SHANK2: variants seen among roughly 807,000 people sequenced by gnomAD.
SHANK2 encodes SH3 and multiple ankyrin repeat domains protein 2.
In SHANK2, 43 loss-of-function variants were observed where a neutral mutation model predicts 133.7. The ratio of observed to expected loss-of-function variants is 0.32; its 90% CI spans 0.25 to 0.41. The LOEUF is 0.41. Ranked by LOEUF, SHANK2 falls within the 10% of genes least tolerant of loss-of-function variation. SHANK2 has a pLI of 1.00. For synonymous variants in SHANK2, 1,017 were observed against 952.8 expected, an observed-to-expected ratio of 1.07 and a Z score of -1.24; for missense variants, 1,994 against 2,235.8, an observed-to-expected ratio of 0.89 and a Z score of 2.18.
intron 10 of SHANK2, among the ~76,000 whole-genome samples, chr11:70,905,009 C>T (rs1349197652): frequency 8.5e-5 from 13 of 152,098 alleles, no homozygotes; most frequent in African/African-American, 3.1e-4. Context: ...TGGACTAATA[C>T]AGTGGGGAAA....
chr11:70,581,925 C>T (rs1460949606), intron 17 of SHANK2, among the ~76,000 whole-genome samples: 1 of 152,234 alleles, frequency 6.6e-6, no homozygotes, highest in Non-Finnish European at 1.5e-5. Flanking sequence ...TCCTGATCTC[C>T]TCTCTTGGGC....
intron 17 of SHANK2, among the ~76,000 whole-genome samples, chr11:70,578,622 C>T (rs1456288704): frequency 6.6e-6 from 1 of 152,128 alleles, no homozygotes; most frequent in Non-Finnish European, 1.5e-5. Context: ...CCCTGGGCCA[C>T]GTCTCACAGG....
At chr11:70,947,626 A>G (rs142246108) in intron 10 of SHANK2, among the ~76,000 whole-genome samples, 1,541 of 152,242 alleles carry the variant, frequency 0.01, 13 homozygotes, top group Non-Finnish European at 0.015. Flanking sequence ...TTGGCCTCCC[A>G]AAGTGCTGGG....
In SHANK2 at chr11:70,670,416, C is replaced by A. The variant is rs947754691; in HGVS notation, c.1854-8738G>T. ...GTTGAGGTGAGGACCCAACAGGTGT[C>A]CCAGCTCAGCGGAGATGCCAGCTCG... is the stretch of plus-strand genomic sequence containing the variant. On this transcript the variant is annotated intron_variant, in intron 15 of 25. Transcript: ENST00000601538. Among the ~76,000 whole-genome samples, 18 of 152,316 alleles carry A rather than the reference C, an allele frequency of 1.2e-4. No homozygotes were observed. The Middle Eastern group carries it at 0.01, about 87-fold the overall frequency.
In SHANK2 at chr11:70,615,215, A is replaced by G. The variant is rs139759756; in HGVS notation, c.2061+44613T>C. 4.2e-3 allele frequency among the ~76,000 whole-genome samples: 639 copies of G among 152,118 alleles called. 2 individuals carry two copies. Among genetic ancestry groups the G allele is most frequent in the Non-Finnish European group, 6.9e-3 (470 of 68,002 alleles). On this transcript the variant is annotated intron_variant, in intron 17 of 25. Coordinates refer to ENST00000601538, the MANE Select transcript of SHANK2 (RefSeq NM_012309.5). Reference sequence around the variant, plus strand: ...TAGAAGGAGAAGCTGAACATTGCCTATACACCTCTGCCTAATGCAGCCCAC... The same window carrying G: ...TAGAAGGAGAAGCTGAACATTGCCTGTACACCTCTGCCTAATGCAGCCCAC...
intron 11 of SHANK2, among the ~76,000 whole-genome samples, chr11:70,827,687 TAA>T (rs1252243265): frequency 4.4e-5 from 2 of 45,804 alleles, no homozygotes; most frequent in African/African-American, 1.7e-4. Context: ...TTCAGAAATT[TAA>T]AACACACACA....
At chr11:70,777,278 C>G (rs1399668257) in intron 14 of SHANK2, among the ~76,000 whole-genome samples, 2 of 150,898 alleles carry the variant, frequency 1.3e-5, no homozygotes, top group African/African-American at 4.9e-5. Context: ...CATCCACTCA[C>G]CCAGTCATCC....
chr11:71,087,206 A>G (rs1402445697), intron 8 of SHANK2, among the ~76,000 whole-genome samples: 9 of 152,190 alleles, frequency 5.9e-5, no homozygotes, highest in African/African-American at 2.2e-4. Context: ...CAGGAGTCAC[A>G]GCTGAGAGCT....
At chr11:70,478,452 G>A (rs1487937006) in intron 25 of SHANK2, among the ~76,000 whole-genome samples, 4 of 152,294 alleles carry the variant, frequency 2.6e-5, no homozygotes, top group South Asian at 2.1e-4. Context: ...CACACCGCAC[G>A]CCTCTGCATT....
intron 15 of SHANK2, among the ~76,000 whole-genome samples, chr11:70,681,811 C>T (rs186572941): frequency 6.6e-6 from 1 of 151,998 alleles, no homozygotes; most frequent in Non-Finnish European, 1.5e-5. Flanking sequence ...TTTCTGGATA[C>T]CAGAGCTCTA....
intron 1 of SHANK2, among the ~76,000 whole-genome samples, chr11:71,238,831 G>A (rs1028249008): frequency 6.6e-6 from 1 of 152,224 alleles, no homozygotes; most frequent in Non-Finnish European, 1.5e-5. Flanking sequence ...ACCTGCCACA[G>A]AGGACTCTCC....
At chr11:70,930,390 T>C (rs1410759393) in intron 10 of SHANK2, among the ~76,000 whole-genome samples, 4 of 152,372 alleles carry the variant, frequency 2.6e-5, no homozygotes, top group African/African-American at 9.6e-5. Flanking sequence ...AGTTACCAGA[T>C]GGCTTGAAGC....
intron 11 of SHANK2, among the ~76,000 whole-genome samples, chr11:70,869,469 A>G (rs1444790654): frequency 6.6e-6 from 1 of 152,190 alleles, no homozygotes; most frequent in African/African-American, 2.4e-5. Context: ...AATGCTTCCA[A>G]TCTCAGCCTG....
chr11:70,661,553 AC>A (rs2061491535), intron 16 of SHANK2, 42 bp downstream of exon 16: 4 of 1,351,178 alleles, frequency 3.0e-6, no homozygotes, highest in Non-Finnish European at 4.2e-6. Flanking sequence ...ACACACACAC[AC>A]AAACATGGGA....
chr11:70,759,500 A>G (rs1555039714), intron 14 of SHANK2, among the ~76,000 whole-genome samples: 1 of 152,168 alleles, frequency 6.6e-6, no homozygotes, highest in Admixed American at 6.5e-5. Context: ...AAAACAAAAA[A>G]GCAAAACTGA....
intron 17 of SHANK2, among the ~76,000 whole-genome samples, chr11:70,508,284 G>A (rs1041599587): frequency 3.9e-5 from 6 of 152,060 alleles, no homozygotes; most frequent in African/African-American, 1.2e-4. Flanking sequence ...CCAACCTTCC[G>A]CCCACACTGA....
intron 1 of SHANK2, among the ~76,000 whole-genome samples, chr11:71,241,987 G>C (rs1186816040): frequency 1.3e-5 from 2 of 152,212 alleles, no homozygotes; most frequent in African/African-American, 4.8e-5. Context: ...AAGCCACCCA[G>C]GTCCTCAAGG....
chr11:71,151,108 C>A (rs1952788663), intron 2 of SHANK2, among the ~76,000 whole-genome samples: 2 of 152,242 alleles, frequency 1.3e-5, no homozygotes, highest in South Asian at 4.2e-4. Flanking sequence ...AGCCACTGCC[C>A]CTCACCATCC....
intron 17 of SHANK2, among the ~76,000 whole-genome samples, chr11:70,515,459 T>C (rs1554969830): frequency 6.6e-6 from 1 of 152,144 alleles, no homozygotes; most frequent in African/African-American, 2.4e-5. Flanking sequence ...CATATCTTTT[T>C]CTTTTCTGAG....
Sources: allele counts gnomAD v4.1 joint callset (sites outside exome capture counted in the v4.1 genomes callset), GRCh38; gene constraint gnomAD v4.1.1; transcripts MANE v1.5; gene names NCBI Gene and HGNC (gene_info 2026-07-23, HGNC 2026-07-21).